The following DPP10 variants were observed in gnomAD, a reference collection of about 807,000 sequenced individuals.
DPP10 encodes inactive dipeptidyl peptidase 10.
DPP10 carries 33 observed loss-of-function variants against 120.9 expected under a neutral mutation model. The observed-to-expected ratio is 0.27, with a 90% CI of 0.21 to 0.37. The LOEUF (loss-of-function observed/expected upper bound fraction) is 0.37. DPP10 is among the 10% of genes least tolerant of loss of function. DPP10 has a pLI of 1.00. For missense variants in DPP10, 816 were observed against 942.8 expected, an observed-to-expected ratio of 0.87 and a Z score of 1.76; for synonymous variants, 337 against 326.1, an observed-to-expected ratio of 1.03 and a Z score of -0.36.
intron 1 of DPP10, among the ~76,000 whole-genome samples, chr2:115,124,760 A>G (rs2049988474): frequency 1.3e-5 from 2 of 152,242 alleles, no homozygotes; most frequent in Non-Finnish European, 1.5e-5. Flanking sequence ...TTTGTTAACC[A>G]AGGTATCACT....
intron 1 of DPP10, among the ~76,000 whole-genome samples, chr2:114,567,141 A>G (rs1480191966): frequency 6.6e-6 from 1 of 152,140 alleles, no homozygotes; most frequent in East Asian, 1.9e-4. Flanking sequence ...ATGAATAGGA[A>G]CTATTCTTAG....
intron 5 of DPP10, among the ~76,000 whole-genome samples, chr2:115,532,313 CCAGTTCA>C (rs748290676): frequency 1.9e-4 from 29 of 152,082 alleles, no homozygotes; most frequent in Non-Finnish European, 3.4e-4. Flanking sequence ...CTCAAGGGCC[CCAGTTCA>C]CAGTTGCAGA....
At chr2:115,778,512 A>G (rs1251362083) in intron 15 of DPP10, among the ~76,000 whole-genome samples, 1 of 152,088 alleles carries the variant, frequency 6.6e-6, no homozygotes, top group Non-Finnish European at 1.5e-5. Context: ...CACAAAAATG[A>G]CTTTTATTTT....
chr2:115,829,047 AAAAACT>A lies in DPP10; in HGVS notation c.1951-7109_1951-7104del, dbSNP rs1423166886. On this transcript the variant is annotated intron_variant, in intron 21 of 25. Coordinates refer to ENST00000410059, the MANE Select transcript of DPP10 (RefSeq NM_020868.6). Reference sequence around the variant, plus strand: ...GTTAAAATTTGCATATGATGAGGCAAAAAACTGAAGTTCTAAAACTTGGCAAACTCT... The same window carrying A: ...GTTAAAATTTGCATATGATGAGGCAAGAAGTTCTAAAACTTGGCAAACTCT... 5.3e-5 allele frequency among the ~76,000 whole-genome samples: 8 copies of A among 152,308 alleles called. No homozygotes were observed. The South Asian group carries it at 1.4e-3, about 28-fold the overall frequency.
chr2:115,762,559 TG>T lies in DPP10; in HGVS notation c.1075-12del. 6.2e-7 allele frequency: 1 copy of T among 1,613,580 alleles called. No individual in the cohort carries two copies. The highest frequency in any genetic ancestry group is 8.5e-7 in the Non-Finnish European group (1 of 1,179,862). On this transcript the variant is annotated splice_polypyrimidine_tract_variant and intron_variant, in intron 11 of 25. Coordinates refer to ENST00000410059, the MANE Select transcript of DPP10 (RefSeq NM_020868.6). The stretch of plus-strand genomic sequence containing the variant: ...TCTTTAGATGCTTCATGGAGTTAAT[TG>T]TTTTGTTTCAGAAATATGAGATGAC...
intron 1 of DPP10, among the ~76,000 whole-genome samples, chr2:115,144,691 G>T (rs2051124331): frequency 6.8e-6 from 1 of 148,090 alleles, no homozygotes; most frequent in Non-Finnish European, 1.5e-5. Flanking sequence ...GGGAGGGATA[G>T]CATTAGGAGA....
chr2:114,915,532 A>T (rs1288140506), intron 1 of DPP10, among the ~76,000 whole-genome samples: 2 of 152,214 alleles, frequency 1.3e-5, no homozygotes, highest in Admixed American at 1.3e-4. Flanking sequence ...ATCCAACAGT[A>T]ACATAATATA....
At chr2:115,678,386 C>T (rs111377105) in intron 5 of DPP10, among the ~76,000 whole-genome samples, 199 of 152,330 alleles carry the variant, frequency 1.3e-3, no homozygotes, top group African/African-American at 4.3e-3. Flanking sequence ...TAAAAGGGGC[C>T]GCGGCACAGC....
chr2:114,910,664 A>G (rs1694300150), intron 1 of DPP10, among the ~76,000 whole-genome samples: 1 of 152,140 alleles, frequency 6.6e-6, no homozygotes. Flanking sequence ...CTATTCACAT[A>G]TGTAATTCCT....
chr2:115,507,329 G>A (rs1190699424), intron 4 of DPP10, among the ~76,000 whole-genome samples: 1 of 152,048 alleles, frequency 6.6e-6, no homozygotes, highest in Non-Finnish European at 1.5e-5. Context: ...TCCAGATTCT[G>A]GGGATACAAT....
intron 19 of DPP10, among the ~76,000 whole-genome samples, chr2:115,793,308 T>G (rs1326883387): frequency 6.6e-6 from 1 of 152,084 alleles, no homozygotes; most frequent in Non-Finnish European, 1.5e-5. Flanking sequence ...ATAAATAAAT[T>G]GGGGAAAATA....
chr2:115,014,045 T>C (rs936290319), intron 1 of DPP10, among the ~76,000 whole-genome samples: 13 of 152,170 alleles, frequency 8.5e-5, no homozygotes, highest in African/African-American at 3.1e-4. Flanking sequence ...ATATACATTC[T>C]TCTGAGCACC....
chr2:115,610,490 A>AAT, intron 5 of DPP10, among the ~76,000 whole-genome samples: 1 of 31,212 alleles, frequency 3.2e-5, no homozygotes, highest in Non-Finnish European at 6.9e-5. Flanking sequence ...AAGCAGTATG[A>AAT]GTGTGTGTGT....
chr2:114,494,616 A>G (rs1682341432), intron 1 of DPP10, among the ~76,000 whole-genome samples: 1 of 152,156 alleles, frequency 6.6e-6, no homozygotes, highest in African/African-American at 2.4e-5. Context: ...ATCCGGTCAT[A>G]CCTACATTGT....
intron 1 of DPP10, among the ~76,000 whole-genome samples, chr2:114,695,971 G>T (rs1272045504): frequency 1.3e-5 from 2 of 151,970 alleles, no homozygotes; most frequent in African/African-American, 4.8e-5. Context: ...TTATAGTATG[G>T]TATTTAGTAT....
At chr2:115,356,949 T>G (rs1316917206) in intron 3 of DPP10, among the ~76,000 whole-genome samples, 1 of 152,180 alleles carries the variant, frequency 6.6e-6, no homozygotes, top group Non-Finnish European at 1.5e-5. Flanking sequence ...CCTAACTGCT[T>G]TCTATAGTGG....
intron 1 of DPP10, among the ~76,000 whole-genome samples, chr2:114,497,557 C>T (rs761866892): frequency 4.6e-5 from 7 of 151,500 alleles, no homozygotes; most frequent in Non-Finnish European, 8.8e-5. Flanking sequence ...ACTCTTGTTC[C>T]CATTATGGGT....
At chr2:115,418,316 G>A (rs1328486625) in intron 3 of DPP10, among the ~76,000 whole-genome samples, 1 of 152,174 alleles carries the variant, frequency 6.6e-6, no homozygotes. Context: ...ATTGCTGTAT[G>A]TATTAATCAG....
At chr2:115,382,865 A>C (rs2066519108) in intron 3 of DPP10, among the ~76,000 whole-genome samples, 1 of 152,232 alleles carries the variant, frequency 6.6e-6, no homozygotes, top group Non-Finnish European at 1.5e-5. Context: ...ATATTTGTGA[A>C]AATACATAAT....
Sources: gnomAD v4.1 joint callset for allele counts (sites outside exome capture counted in the v4.1 genomes callset) on GRCh38, gnomAD v4.1.1 for gene constraint, MANE v1.5 for transcripts, NCBI Gene and HGNC (gene_info 2026-07-23, HGNC 2026-07-21) for gene names.